The following KIF16B variants were observed in gnomAD, a reference collection of about 807,000 sequenced individuals.
KIF16B encodes the protein kinesin-like protein KIF16B.
In KIF16B, 98 loss-of-function variants were observed where a neutral mutation model predicts 156.3. That is an observed-to-expected ratio of 0.63 (90% CI 0.53 to 0.74). The LOEUF is 0.74. KIF16B is among the 30% of genes least tolerant of loss of function. The pLI, the probability that KIF16B is intolerant of heterozygous loss-of-function variation, is 0.00. For synonymous variants in KIF16B, 564 were observed against 583.7 expected (o/e 0.97, Z 0.49); for missense variants, 1,421 against 1,606.5 (o/e 0.88, Z 1.97).
intron 25 of KIF16B, among the ~76,000 whole-genome samples, chr20:16,286,948 G>C (rs1273657161): frequency 2.0e-5 from 3 of 152,350 alleles, no homozygotes; most frequent in Admixed American, 6.5e-5. Flanking sequence ...CTAGTCCTTA[G>C]TGGAGTCATG....
In KIF16B at chr20:16,273,224, C is replaced by T. The variant is rs201049792; in HGVS notation, c.*29G>A. 7.4e-5 allele frequency: 119 copies of T among 1,604,768 alleles called. No homozygotes were observed. The highest frequency in any genetic ancestry group is 3.4e-4 in the Middle Eastern group (2 of 5,804). ...AGCCCGCTTCGACGAGAAGGCACTG[C>T]TGTGGTGGTTCCTCCATCACCCCTG... is the stretch of plus-strand genomic sequence containing the variant. On this transcript the variant is annotated 3_prime_UTR_variant, in exon 26 of 26. Coordinates refer to ENST00000354981, the MANE Select transcript of KIF16B (RefSeq NM_024704.5).
At chr20:16,423,467 C>T (rs550774206) in intron 15 of KIF16B, among the ~76,000 whole-genome samples, 1 of 152,226 alleles carries the variant, frequency 6.6e-6, no homozygotes, top group African/African-American at 2.4e-5. Context: ...GGTGTGTACA[C>T]TCAATCAGGG....
chr20:16,528,679 G>C (rs1019325631), intron 1 of KIF16B, among the ~76,000 whole-genome samples: 2 of 152,062 alleles, frequency 1.3e-5, no homozygotes, highest in Non-Finnish European at 2.9e-5. Flanking sequence ...AACCCTGAAA[G>C]AATTTCCAAT....
At chr20:16,478,256 C>T (rs959811533) in intron 12 of KIF16B, among the ~76,000 whole-genome samples, 5 of 151,980 alleles carry the variant, frequency 3.3e-5, no homozygotes, top group Non-Finnish European at 7.4e-5. Flanking sequence ...AGAACCATAA[C>T]GTGATACAAC....
intron 1 of KIF16B, among the ~76,000 whole-genome samples, chr20:16,561,388 T>C (rs1179217381): frequency 6.6e-6 from 1 of 152,180 alleles, no homozygotes; most frequent in African/African-American, 2.4e-5. Context: ...TTCTATACAA[T>C]CATCATCAGC....
At chr20:16,374,179 A>C in intron 20 of KIF16B, 78 bp downstream of exon 20, 1 of 1,372,108 alleles carries the variant, frequency 7.3e-7, no homozygotes, top group South Asian at 1.9e-5. Context: ...CTCCAGATAC[A>C]AAGTAGTTCA....
At chr20:16,368,457 G>C in intron 22 of KIF16B, 3 of 986,366 alleles carry the variant, frequency 3.0e-6, no homozygotes, top group Non-Finnish European at 3.6e-6. Context: ...GGCTTCTGAC[G>C]AATGTTGTTA....
intron 25 of KIF16B, among the ~76,000 whole-genome samples, chr20:16,278,227 A>G (rs926146732): frequency 6.6e-6 from 1 of 152,158 alleles, no homozygotes; most frequent in Non-Finnish European, 1.5e-5. Flanking sequence ...AGGGGAGGAC[A>G]AGAGAAACAG....
intron 15 of KIF16B, among the ~76,000 whole-genome samples, chr20:16,407,286 GA>G (rs2065809773): frequency 6.6e-6 from 1 of 152,180 alleles, no homozygotes; most frequent in Admixed American, 6.5e-5. Flanking sequence ...TGTTGCAGAA[GA>G]GGTTCACTGT....
chr20:16,472,449 C>A (rs1341406476), intron 12 of KIF16B, among the ~76,000 whole-genome samples: 1 of 151,494 alleles, frequency 6.6e-6, no homozygotes, highest in Non-Finnish European at 1.5e-5. Context: ...CCCAAACCCT[C>A]TAAACTGCCA....
chr20:16,364,749 G>C (rs2064624430), intron 22 of KIF16B, among the ~76,000 whole-genome samples: 1 of 152,226 alleles, frequency 6.6e-6, no homozygotes, highest in Admixed American at 6.5e-5. Flanking sequence ...GTGACATGCT[G>C]AATCTGAATG....
intron 15 of KIF16B, among the ~76,000 whole-genome samples, chr20:16,407,725 G>T (rs576720801): frequency 2.6e-5 from 4 of 152,126 alleles, no homozygotes; most frequent in Non-Finnish European, 5.9e-5. Flanking sequence ...TGTGAAGACC[G>T]GAGAACAAGT....
chr20:16,412,623 C>T (rs970878264), intron 15 of KIF16B, among the ~76,000 whole-genome samples: 1 of 152,032 alleles, frequency 6.6e-6, no homozygotes, highest in East Asian at 1.9e-4. Context: ...TGGGGAAAGC[C>T]CCTTATAATA....
chr20:16,291,720 C>T (rs1012327327), intron 25 of KIF16B, among the ~76,000 whole-genome samples: 2 of 152,178 alleles, frequency 1.3e-5, no homozygotes, highest in African/African-American at 4.8e-5. Flanking sequence ...TAAGAAATGT[C>T]AGTATGTATT....
chr20:16,387,685 G>A (rs1280972944), intron 17 of KIF16B, among the ~76,000 whole-genome samples: 6 of 152,172 alleles, frequency 3.9e-5, no homozygotes, highest in South Asian at 4.1e-4. Context: ...GCAACTGTAC[G>A]GACAGTCAAA....
intron 17 of KIF16B, among the ~76,000 whole-genome samples, chr20:16,383,302 C>A (rs1254280243): frequency 1.3e-5 from 2 of 152,198 alleles, no homozygotes; most frequent in South Asian, 2.1e-4. Context: ...TGAACACCTT[C>A]TCCAAGGTCA....
At chr20:16,462,084 A>G (rs2067359526) in intron 12 of KIF16B, among the ~76,000 whole-genome samples, 1 of 152,142 alleles carries the variant, frequency 6.6e-6, no homozygotes, top group Admixed American at 6.5e-5. Context: ...CCCTGTCTCT[A>G]CTAAAAATTA....
chr20:16,488,173 A>G (rs574071878), intron 12 of KIF16B, among the ~76,000 whole-genome samples: 33 of 152,340 alleles, frequency 2.2e-4, no homozygotes, highest in African/African-American at 7.9e-4. Context: ...TTATTGATTA[A>G]AAAATGAGAA....
intron 24 of KIF16B, among the ~76,000 whole-genome samples, chr20:16,316,827 T>C (rs6111050): frequency 0.3 from 45,280 of 151,950 alleles, 7,256 homozygotes; most frequent in East Asian, 0.58. Context: ...CTAAATAGTT[T>C]TAAAAAATGG....
Sources: gnomAD v4.1 joint callset for allele counts (sites outside exome capture counted in the v4.1 genomes callset) on GRCh38, gnomAD v4.1.1 for gene constraint, MANE v1.5 for transcripts, NCBI Gene and HGNC (gene_info 2026-07-23, HGNC 2026-07-21) for gene names.